The following ZNF692 variants were observed in gnomAD, a reference collection of about 807,000 sequenced individuals.
The protein encoded by ZNF692 is zinc finger protein 692.
In ZNF692, 41 loss-of-function variants were observed where a neutral mutation model predicts 49.0. The ratio of observed to expected loss-of-function variants is 0.84; its 90% CI spans 0.65 to 1.08. The LOEUF (loss-of-function observed/expected upper bound fraction) is 1.08. ZNF692 is among the 50% of genes least tolerant of loss of function. The probability of loss-of-function intolerance (pLI) is 0.00; values close to 1 mark genes in which losing one functional copy is unlikely to be tolerated. For missense variants in ZNF692, 662 were observed against 662.2 expected (o/e 1.00, Z 0.00); for synonymous variants, 288 against 251.5 (o/e 1.15, Z -1.37).
chr1:248,858,099 C>G lies in ZNF692; in HGVS notation c.179+32G>C. ...GAGGCTAGGGGCTGCTGCCTGGGTACCCTCCCCCAAGCCCTTCTCCCGGCC... is the reference window on the plus strand; with the variant it reads ...GAGGCTAGGGGCTGCTGCCTGGGTAGCCTCCCCCAAGCCCTTCTCCCGGCC... On this transcript the variant is annotated intron_variant, in intron 2 of 11. Coordinates refer to ENST00000306601, the MANE Select transcript of ZNF692 (RefSeq NM_017865.4). This position sits in a 1 kb window ranked among gnomAD's most constrained non-coding sequence, Gnocchi z 4.3. 2 of 1,552,586 alleles carry G rather than the reference C, an allele frequency of 1.3e-6. No homozygotes were observed. Among genetic ancestry groups the G allele is most frequent in the Non-Finnish European group, 1.7e-6 (2 of 1,152,788 alleles).
At chr1:248,856,611 TGAG>T in intron 4 of ZNF692, 49 bp from the exon 5 acceptor site, 1 of 1,610,912 alleles carries the variant, frequency 6.2e-7, no homozygotes, top group Non-Finnish European at 8.5e-7. Context: ...ACTCAAGGGA[TGAG>T]GACACATAAA....
chr1:248,858,408 C>CT lies in ZNF692; in HGVS notation c.-12-88dup. 6.5e-7 allele frequency: 1 copy of CT among 1,548,232 alleles called. No homozygotes were observed. ...CACCTGCCGTTAGGGCCTCAGTTTC[C>CT]TCATCAGTGAACTGGGGCAAGACTA... On this transcript the variant is annotated intron_variant, in intron 1 of 11. Transcript: ENST00000306601. This position sits in a 1 kb window ranked among gnomAD's most constrained non-coding sequence, Gnocchi z 4.3.
intron 10 of ZNF692, among the ~76,000 whole-genome samples, chr1:248,853,065 A>G (rs1356502507): frequency 6.6e-6 from 1 of 152,170 alleles, no homozygotes; most frequent in Non-Finnish European, 1.5e-5. Flanking sequence ...CCTTCTGCCC[A>G]GTTGCTGAGG....
At chr1:248,851,460 G>A (rs1311927709) in intron 10 of ZNF692, among the ~76,000 whole-genome samples, 1 of 152,078 alleles carries the variant, frequency 6.6e-6, no homozygotes, top group Non-Finnish European at 1.5e-5. Context: ...ACCTCAGGGT[G>A]TACAGTAAAA....
At position 248,855,736 on chromosome 1, in the gene ZNF692, C is replaced by T. The variant is rs751559099; in HGVS notation, c.870G>A (p.Glu290=). The T allele has an allele frequency of 6.2e-7, 1 of 1,614,114 alleles. No homozygotes were observed. Reference sequence around the variant, plus strand: ...AGCCATCAGGTTACCTGGCCAGGGCCTCAGTCTGCTGGGCCGCTTGAGGGG... The same window carrying T: ...AGCCATCAGGTTACCTGGCCAGGGCTTCAGTCTGCTGGGCCGCTTGAGGGG... ...SRTPQAAQQT[E]ALASTGSQAQ... is the part of the protein sequence containing the mutation. The change falls in exon 7 of 12, where the codon GAG becomes GAA. Residue 290 remains glutamate (E), a synonymous_variant. Coordinates refer to ENST00000306601, the MANE Select transcript of ZNF692 (RefSeq NM_017865.4).
chr1:248,850,275 C>A lies in ZNF692; in HGVS notation c.1495G>T (p.Gly499Ter). The A allele has an allele frequency of 1.9e-6, 3 of 1,602,174 alleles. No homozygotes were observed. The highest frequency in any genetic ancestry group is 2.6e-6 in the Non-Finnish European group (3 of 1,172,750). Residue 499 changes from glycine to a stop codon, truncating the protein, a stop_gained, in exon 12 of 12, where the codon GGA (glycine) becomes TGA (stop). Coordinates refer to ENST00000306601, the MANE Select transcript of ZNF692 (RefSeq NM_017865.4). LOFTEE classifies it low-confidence loss of function (END_TRUNC). ...GAGGGCCTGGACCCCTCGCTGGATC[C>A]CAGAGGCCCAGGGGCAGAGATGCTG... ...CPSISAPGPL[G>*]SSEGSRPSAS...
intron 10 of ZNF692, among the ~76,000 whole-genome samples, chr1:248,851,705 C>T (rs1278284434): frequency 6.6e-6 from 1 of 152,132 alleles, no homozygotes; most frequent in Non-Finnish European, 1.5e-5. Flanking sequence ...CCTCATCGCC[C>T]ACCCTCCTCA....
In ZNF692 at chr1:248,858,911, G is replaced by A. The variant is rs1489638304; in HGVS notation, c.-13+7C>T. The A allele has an allele frequency of 3.8e-6, 1 of 266,400 alleles. No individual in the cohort carries two copies. Among genetic ancestry groups the A allele is most frequent in the African/African-American group, 2.4e-5 (1 of 41,640 alleles). The allele number at this position is 266,400 out of a possible 1,614,324, so 16.5% of individuals were successfully genotyped here. A position where few individuals can be genotyped will look rare whatever the true frequency, so the allele number is the denominator to read the frequency against. Reference sequence around the variant, plus strand: ...CCCGTCGCGACCCACCCCCACCCCGGCCTTACCTGTGCGCCCCCACGCGCC... The same window carrying A: ...CCCGTCGCGACCCACCCCCACCCCGACCTTACCTGTGCGCCCCCACGCGCC... On this transcript the variant is annotated splice_region_variant and intron_variant, in intron 1 of 11. Coordinates refer to ENST00000306601, the MANE Select transcript of ZNF692 (RefSeq NM_017865.4). This position sits in a 1 kb window ranked among gnomAD's most constrained non-coding sequence, Gnocchi z 4.3.
intron 3 of ZNF692, 29 bp downstream of exon 3, chr1:248,857,799 G>A: frequency 6.2e-7 from 1 of 1,611,966 alleles, no homozygotes; most frequent in Non-Finnish European, 8.5e-7. Flanking sequence ...CTTCCCTCTG[G>A]CTCTCACCCC....
chr1:248,853,615 T>C (rs1209118943), intron 10 of ZNF692, among the ~76,000 whole-genome samples: 2 of 152,266 alleles, frequency 1.3e-5, no homozygotes, highest in East Asian at 1.9e-4. Context: ...CTCCTCCTTA[T>C]GCTCTCCTCC....
intron 9 of ZNF692, among the ~76,000 whole-genome samples, chr1:248,855,116 G>A (rs1237726178): frequency 6.6e-6 from 1 of 152,168 alleles, no homozygotes; most frequent in East Asian, 1.9e-4. Context: ...CTGAAGCCAG[G>A]CCACCAGGCT....
At chr1:248,854,264 C>G in intron 9 of ZNF692, 1 of 524,580 alleles carries the variant, frequency 1.9e-6, no homozygotes, top group Non-Finnish European at 3.5e-6. Flanking sequence ...CCTGACCACT[C>G]AACTCTCCTG....
chr1:248,853,832 G>A, intron 10 of ZNF692, 105 bp downstream of exon 10: 2 of 789,260 alleles, frequency 2.5e-6, no homozygotes, highest in Non-Finnish European at 4.2e-6. Context: ...GAGGTGACAG[G>A]ACCCCGTAGA....
intron 10 of ZNF692, 88 bp from the exon 11 acceptor site, chr1:248,850,869 G>T: frequency 8.7e-7 from 1 of 1,149,722 alleles, no homozygotes; most frequent in Non-Finnish European, 1.2e-6. Flanking sequence ...TCACCAGAGT[G>T]CACCGTATTG....
In ZNF692 at chr1:248,850,042, G is replaced by A; in HGVS notation, c.*168C>T. ...TACTGTTTATTTTGTCCTTTAGGAA[G>A]ACTAAAGTAGTCCAGCTCCCCTACA... On this transcript the variant is annotated 3_prime_UTR_variant, in exon 12 of 12. Coordinates refer to ENST00000306601, the MANE Select transcript of ZNF692 (RefSeq NM_017865.4). 1.6e-6 allele frequency: 1 copy of A among 643,134 alleles called. No individual in the cohort carries two copies. Among genetic ancestry groups the A allele is most frequent in the Non-Finnish European group, 2.5e-6 (1 of 398,984 alleles). The allele number at this position is 643,134 out of a possible 1,614,324, so 39.8% of individuals were successfully genotyped here. A position where few individuals can be genotyped will look rare whatever the true frequency, so the allele number is the denominator to read the frequency against.
chr1:248,852,451 C>T (rs544745427), intron 10 of ZNF692, among the ~76,000 whole-genome samples: 5 of 152,164 alleles, frequency 3.3e-5, no homozygotes, highest in African/African-American at 4.8e-5. Flanking sequence ...GGTCCCCCAC[C>T]CCACTCTAGC....
intron 7 of ZNF692, 38 bp from the exon 8 acceptor site, chr1:248,855,673 A>T (rs747828016): frequency 2.8e-5 from 45 of 1,614,018 alleles, no homozygotes; most frequent in Non-Finnish European, 3.5e-5. Flanking sequence ...GCCTCGAGGG[A>T]GGGCCACATC....
chr1:248,852,788 C>G (rs1178664670), intron 10 of ZNF692, among the ~76,000 whole-genome samples: 1 of 152,156 alleles, frequency 6.6e-6, no homozygotes, highest in Non-Finnish European at 1.5e-5. Flanking sequence ...TCAAATACCA[C>G]TCTCTTCATC....
At position 248,858,331 on chromosome 1, in the gene ZNF692, G is replaced by T; in HGVS notation, c.-12-10C>A. ...CCATGTGCACCAGAGGCTGGAGGGT[G>T]GAAGGGACGTCTTCAGCGCCCTGCC... On this transcript the variant is annotated splice_polypyrimidine_tract_variant and intron_variant, in intron 1 of 11. Coordinates refer to ENST00000306601, the MANE Select transcript of ZNF692 (RefSeq NM_017865.4). The surrounding 1 kb of genome is among the most constrained non-coding windows in gnomAD (Gnocchi z 4.3). 6.5e-7 allele frequency: 1 copy of T among 1,543,210 alleles called. No homozygotes were observed. Among genetic ancestry groups the T allele is most frequent in the East Asian group, 2.4e-5 (1 of 42,196 alleles).
Sources: allele counts gnomAD v4.1 joint callset (sites outside exome capture counted in the v4.1 genomes callset), GRCh38; gene constraint gnomAD v4.1.1; non-coding constraint Gnocchi (gnomAD v3.1); transcripts MANE v1.5; gene names NCBI Gene and HGNC (gene_info 2026-07-23, HGNC 2026-07-21).